LMO7: variants seen among roughly 807,000 people sequenced by gnomAD.
The protein encoded by LMO7 is LIM domain 7.
A neutral mutation model predicts 206.5 loss-of-function variants in LMO7; 120 were observed. The observed-to-expected ratio is 0.58, with a 90% CI of 0.50 to 0.68. The LOEUF is 0.68. Among genes scored for constraint, LMO7 ranks in the 30% least tolerant of loss-of-function variants. The probability of loss-of-function intolerance (pLI) is 0.00; values close to 1 mark genes in which losing one functional copy is unlikely to be tolerated. For synonymous variants in LMO7, 706 were observed against 681.5 expected, an observed-to-expected ratio of 1.04 and a Z score of -0.56; for missense variants, 1,959 against 1,957.9, an observed-to-expected ratio of 1.00 and a Z score of -0.01.
At chr13:75,620,584 C>T (rs2033265047) in exon 1 of LMO7, 1 of 152,104 alleles carries the variant, frequency 6.6e-6, no homozygotes, top group South Asian at 2.1e-4. Context: ...TTCTAACAAG[C>T]ACTCAGATAA....
intron 11 of LMO7, among the ~76,000 whole-genome samples, chr13:75,812,189 C>T (rs2056477432): frequency 6.6e-6 from 1 of 152,134 alleles, no homozygotes; most frequent in African/African-American, 2.4e-5. Context: ...GAGTGCCCTA[C>T]AACAAATAGT....
intron 3 of LMO7, among the ~76,000 whole-genome samples, chr13:75,748,083 G>A (rs1021686223): frequency 1.3e-5 from 2 of 152,140 alleles, no homozygotes; most frequent in African/African-American, 2.4e-5. Context: ...ACAGGGTTAT[G>A]AGCCAAGGAA....
rs144318996 is a variant in LMO7, at chr13:75,734,915, C to T, written c.210+7817C>T. On this transcript the variant is annotated intron_variant, in intron 3 of 30. Coordinates refer to ENST00000377534, the MANE Select transcript of LMO7 (RefSeq NM_001306080.2). ...GAGATGACGACCATCCTGGCTAACA[C>T]GGTGAAACCCTGTCTCTACTAAAAA... is the stretch of plus-strand genomic sequence containing the variant. Among the ~76,000 whole-genome samples, 623 of 152,128 alleles carry T rather than the reference C, an allele frequency of 4.1e-3. 5 individuals carry two copies. The highest frequency in any genetic ancestry group is 0.014 in the African/African-American group (570 of 41,536).
At chr13:75,851,080 T>TG (rs2060465207) in intron 27 of LMO7, among the ~76,000 whole-genome samples, 1 of 152,224 alleles carries the variant, frequency 6.6e-6, no homozygotes, top group African/African-American at 2.4e-5. Flanking sequence ...CAAGCTGCCA[T>TG]GTGCATCATG....
chr13:75,727,978 G>T (rs1336379888), intron 3 of LMO7, among the ~76,000 whole-genome samples: 1 of 151,984 alleles, frequency 6.6e-6, no homozygotes, highest in East Asian at 1.9e-4. Context: ...TGGCTGCATA[G>T]TATTCCCTGG....
chr13:75,626,595 A>ATATATATATATATATTTTTTTTT lies in LMO7; in HGVS notation c.225+3276_225+3277insATATATATATATATTTTTTTTTT. On this transcript the variant is annotated intron_variant, in intron 2 of 29. Transcript: ENST00000341547. ...ATATATATTATATATATATATATAA[A>ATATATATATATATATTTTTTTTT]TTTTTTTGAGACAGGGTCTCACTCT... Among the ~76,000 whole-genome samples, 66 of 71,112 alleles carry ATATATATATATATATTTTTTTTT rather than the reference A, an allele frequency of 9.3e-4. 6 individuals carry two copies. Among genetic ancestry groups the ATATATATATATATATTTTTTTTT allele is most frequent in the Non-Finnish European group, 1.9e-3 (51 of 27,558 alleles). 46.7% of individuals were successfully genotyped at this position (71,112 alleles called of 152,430 possible).
rs181791501 is a variant in LMO7 at position 75,808,076 on chromosome 13, T to C, written c.1793T>C (p.Leu598Pro). 6.2e-7 allele frequency: 1 copy of C among 1,613,966 alleles called. No homozygotes were observed. Among genetic ancestry groups the C allele is most frequent in the East Asian group, 2.2e-5 (1 of 44,864 alleles). ...ACACGTAAGATTCAGTCCTGGAAACTGGGAACTACCGTGCCTCCCATCAGT... is the reference window on the plus strand; with the variant it reads ...ACACGTAAGATTCAGTCCTGGAAACCGGGAACTACCGTGCCTCCCATCAGT... ...MLTRKIQSWK[L>P]GTTVPPISFT... Residue 598 changes from leucine to proline, a missense_variant, in exon 10 of 31, where the codon CTG becomes CCG. Coordinates refer to ENST00000377534, the MANE Select transcript of LMO7 (RefSeq NM_001306080.2).
chr13:75,652,614 A>AGTGTGTGTGTGT (rs59671117), intron 1 of LMO7, among the ~76,000 whole-genome samples: 66 of 137,942 alleles, frequency 4.8e-4, no homozygotes, highest in African/African-American at 1.6e-3. Flanking sequence ...CCACAAGTTC[A>AGTGTGTGTGTGT]GTGTGTGTGT....
At chr13:75,782,743 C>T (rs1201713329) in intron 4 of LMO7, among the ~76,000 whole-genome samples, 7 of 152,168 alleles carry the variant, frequency 4.6e-5, no homozygotes, top group Non-Finnish European at 8.8e-5. Flanking sequence ...TTCCTTGGCT[C>T]CTGGCTGCAT....
chr13:75,828,584 C>A (rs1008917155), intron 15 of LMO7, among the ~76,000 whole-genome samples: 1 of 152,142 alleles, frequency 6.6e-6, no homozygotes. Context: ...CTTACCAGAA[C>A]TGAAATGTAG....
chr13:75,849,430 A>G (rs1319281804), intron 27 of LMO7, 138 bp downstream of exon 27: 27 of 630,208 alleles, frequency 4.3e-5, no homozygotes, highest in Non-Finnish European at 7.6e-5. Context: ...GTGTCAGTTT[A>G]CATGACCACA....
At chr13:75,816,337 C>T (rs1338279140) in intron 11 of LMO7, among the ~76,000 whole-genome samples, 11 of 152,208 alleles carry the variant, frequency 7.2e-5, no homozygotes, top group Non-Finnish European at 1.6e-4. Flanking sequence ...CCTACTTCTC[C>T]TCAGTGTTTA....
chr13:75,821,571 C>CA lies in LMO7; in HGVS notation c.2603dup (p.Thr869AspfsTer15). 1 of 1,613,644 alleles carries CA rather than the reference C, an allele frequency of 6.2e-7. No individual in the cohort carries two copies. Among genetic ancestry groups the CA allele is most frequent in the Non-Finnish European group, 8.5e-7 (1 of 1,179,696 alleles). On this transcript the variant is annotated frameshift_variant, in exon 14 of 31. Transcript: ENST00000377534. LOFTEE classifies it high-confidence loss of function. ...GGTCACACCAAGACCCTTTGGCTCT[C>CA]AGACAAGGGGAATCTCATCACTCCC...
chr13:75,855,425 G>A, intron 29 of LMO7, 57 bp downstream of exon 29: 1 of 1,068,156 alleles, frequency 9.4e-7, no homozygotes, highest in Non-Finnish European at 1.4e-6. Context: ...AGAGCGCATG[G>A]CTGCTTTGAG....
intron 25 of LMO7, among the ~76,000 whole-genome samples, chr13:75,845,026 G>A (rs1009885690): frequency 6.6e-6 from 1 of 152,138 alleles, no homozygotes; most frequent in Non-Finnish European, 1.5e-5. Context: ...CTGGACCAGG[G>A]TGAACATCGA....
At chr13:75,789,332 G>A (rs2052918391) in intron 4 of LMO7, among the ~76,000 whole-genome samples, 1 of 152,048 alleles carries the variant, frequency 6.6e-6, no homozygotes, top group South Asian at 2.1e-4. Flanking sequence ...TCAACTCCTA[G>A]GAGGTTATGT....
intron 16 of LMO7, 67 bp downstream of exon 16, chr13:75,833,232 A>G (rs2058827926): frequency 1.0e-6 from 1 of 955,824 alleles, no homozygotes; most frequent in African/African-American, 1.6e-5. Flanking sequence ...GGGGTTGGGG[A>G]CCACAGAAAT....
At chr13:75,638,988 G>C (rs2036244143) in intron 1 of LMO7, among the ~76,000 whole-genome samples, 1 of 152,052 alleles carries the variant, frequency 6.6e-6, no homozygotes, top group South Asian at 2.1e-4. Context: ...TATTGTATAT[G>C]TATGTACATA....
chr13:75,821,423 A>G lies in LMO7; in HGVS notation c.2454A>G (p.Glu818=), dbSNP rs202162701. The G allele has an allele frequency of 3.1e-6, 5 of 1,614,206 alleles. No homozygotes were observed. The East Asian group carries it at 1.1e-4, about 36-fold the overall frequency. ...AGCTTCCTTCTCAAAGTCCTGTGGA[A>G]GAACAAAGCCCAGCCTCTTTGTCTT... ...EIQLPSQSPV[E]EQSPASLSSL... The change falls in exon 14 of 31, where the codon GAA becomes GAG. Residue 818 remains glutamate (E), a synonymous_variant. Transcript: ENST00000377534.
Sources: gnomAD v4.1 joint callset for allele counts (sites outside exome capture counted in the v4.1 genomes callset) on GRCh38, gnomAD v4.1.1 for gene constraint, MANE v1.5 for transcripts, NCBI Gene and HGNC (gene_info 2026-07-23, HGNC 2026-07-21) for gene names.